Variants in MIER3 observed in about 807,000 individuals in gnomAD.
MIER3 encodes mesoderm induction early response protein 3.
Under a neutral mutation model 63.2 loss-of-function variants are expected in MIER3, and 9 were observed. The ratio of observed to expected loss-of-function variants is 0.14; its 90% CI spans 0.09 to 0.25. The LOEUF (loss-of-function observed/expected upper bound fraction) is 0.25, where lower values mean the gene tolerates loss of function less well. Ranked by LOEUF, MIER3 falls within the 10% of genes least tolerant of loss-of-function variation. MIER3 has a pLI of 1.00. For missense variants in MIER3, 512 were observed against 666.2 expected, an observed-to-expected ratio of 0.77 and a Z score of 2.55; for synonymous variants, 205 against 224.9, an observed-to-expected ratio of 0.91 and a Z score of 0.79.
intron 3 of MIER3, among the ~76,000 whole-genome samples, chr5:56,945,410 C>A (rs1381997740): frequency 6.6e-6 from 1 of 152,134 alleles, no homozygotes; most frequent in Non-Finnish European, 1.5e-5. Context: ...CTGCAGTGAG[C>A]CGAGATTGTG....
chr5:56,933,214 C>G (rs756271035), intron 8 of MIER3, 33 bp downstream of exon 8: 1 of 1,537,294 alleles, frequency 6.5e-7, no homozygotes, highest in Admixed American at 2.1e-5. Flanking sequence ...ATACTGTAAA[C>G]TGGCTGCTGT....
At position 56,922,948 on chromosome 5, in the gene MIER3, A is replaced by T; in HGVS notation, c.*180T>A. ...ACTCTGCTGATCATAGTTCATTTCCACATTTATGGATTGAAAAATGAAAAT... is the reference window on the plus strand; with the variant it reads ...ACTCTGCTGATCATAGTTCATTTCCTCATTTATGGATTGAAAAATGAAAAT... On this transcript the variant is annotated 3_prime_UTR_variant, in exon 13 of 13. Coordinates refer to ENST00000381199, the MANE Select transcript of MIER3 (RefSeq NM_001297599.2). 1.6e-6 allele frequency: 1 copy of T among 607,956 alleles called. No homozygotes were observed. The highest frequency in any genetic ancestry group is 2.9e-6 in the Non-Finnish European group (1 of 348,826). 37.7% of individuals were successfully genotyped at this position (607,956 alleles called of 1,614,324 possible). A position where few individuals can be genotyped will look rare whatever the true frequency, so the allele number is the denominator to read the frequency against.
intron 10 of MIER3, chr5:56,925,343 T>G (rs555291708): frequency 2.2e-6 from 1 of 454,898 alleles, no homozygotes; most frequent in East Asian, 7.0e-5. Context: ...GTGACATGAC[T>G]GTCTACGTAG....
upstream of MIER3, chr5:56,952,131 G>T (rs560837092): frequency 2.7e-5 from 33 of 1,241,150 alleles, no homozygotes; most frequent in Non-Finnish European, 3.3e-5. Context: ...AACGAGCAGC[G>T]CCGAGCCCAG....
chr5:56,926,794 T>C (rs1030681002), intron 10 of MIER3, among the ~76,000 whole-genome samples: 5 of 152,130 alleles, frequency 3.3e-5, no homozygotes, highest in African/African-American at 1.2e-4. Context: ...TTAATGATAA[T>C]TGCCAAAACT....
At chr5:56,937,779 C>A in intron 4 of MIER3, 81 bp from the exon 5 acceptor site, 2 of 1,268,994 alleles carry the variant, frequency 1.6e-6, no homozygotes, top group Non-Finnish European at 1.0e-6. Context: ...TATAACATAT[C>A]ATTAAGAAGC....
intron 4 of MIER3, 43 bp from the exon 5 acceptor site, chr5:56,937,741 A>T: frequency 6.6e-7 from 1 of 1,506,022 alleles, no homozygotes; most frequent in Non-Finnish European, 8.9e-7. Context: ...AAATGATTAC[A>T]TCTCATTAAT....
chr5:56,950,185 C>T (rs961949746), intron 2 of MIER3, among the ~76,000 whole-genome samples: 1 of 152,168 alleles, frequency 6.6e-6, no homozygotes, highest in African/African-American at 2.4e-5. Context: ...AACTCATAGA[C>T]ATTTAATTAT....
At chr5:56,942,717 C>T (rs1368267042) in intron 3 of MIER3, among the ~76,000 whole-genome samples, 2 of 151,880 alleles carry the variant, frequency 1.3e-5, no homozygotes, top group African/African-American at 2.4e-5. Flanking sequence ...GAAAATAGAA[C>T]GAGGAAAAAG....
chr5:56,933,884 AC>A (rs1418727103), intron 7 of MIER3, among the ~76,000 whole-genome samples: 2 of 152,146 alleles, frequency 1.3e-5, no homozygotes, highest in Admixed American at 1.3e-4. Flanking sequence ...TTTTCTCCCA[AC>A]AAGATAACTT....
chr5:56,939,685 C>T (rs62356562), intron 3 of MIER3, among the ~76,000 whole-genome samples: 9,014 of 152,250 alleles, frequency 0.059, 397 homozygotes, highest in Middle Eastern at 0.14. Flanking sequence ...AAATTACATA[C>T]CCTGGCTACA....
At chr5:56,942,475 G>A (rs1750679298) in intron 3 of MIER3, among the ~76,000 whole-genome samples, 2 of 152,144 alleles carry the variant, frequency 1.3e-5, no homozygotes, top group South Asian at 2.1e-4. Context: ...CCAGATTTCT[G>A]GCCTGAGAAG....
chr5:56,930,608 G>C, intron 9 of MIER3, 56 bp downstream of exon 9: 1 of 1,440,572 alleles, frequency 6.9e-7, no homozygotes, highest in Non-Finnish European at 9.8e-7. Flanking sequence ...TGCTTATTCT[G>C]ATCCCCAAAT....
rs141692637 is a variant in MIER3, at chr5:56,923,183, T to C, written c.1598A>G (p.Asn533Ser). 1.4e-4 allele frequency: 223 copies of C among 1,613,956 alleles called. 2 individuals carry two copies. The highest frequency in any genetic ancestry group is 7.2e-4 in the Admixed American group (43 of 59,958). ...DFGSLSANETNGFISAHALHQ... is the reference protein window; with the variant it reads ...DFGSLSANETSGFISAHALHQ... ...CAGAGCATGGGCACTGATGAAACCATTGGTCTCGTTGGCAGAGAGACTGCC... is the reference window on the plus strand; with the variant it reads ...CAGAGCATGGGCACTGATGAAACCACTGGTCTCGTTGGCAGAGAGACTGCC... The change falls in exon 13 of 13, where the codon AAT (asparagine) becomes AGT (serine). Residue 533 changes from asparagine to serine, a missense_variant. This residue lies in a region of MIER3 where 218 missense variants were observed against 251.2 expected (regional missense o/e 0.87). Coordinates refer to ENST00000381199, the MANE Select transcript of MIER3 (RefSeq NM_001297599.2).
chr5:56,929,969 A>T (rs1233153435), intron 9 of MIER3, among the ~76,000 whole-genome samples: 1 of 151,982 alleles, frequency 6.6e-6, no homozygotes, highest in Non-Finnish European at 1.5e-5. Context: ...GCCTAAAATA[A>T]TTTTTTTTCA....
At chr5:56,934,602 T>C (rs1381232357) in intron 7 of MIER3, among the ~76,000 whole-genome samples, 8 of 152,146 alleles carry the variant, frequency 5.3e-5, no homozygotes, top group Admixed American at 1.3e-4. Flanking sequence ...GGGATAACTG[T>C]CTTTTAACAC....
chr5:56,931,570 T>C (rs1317263045), intron 8 of MIER3, among the ~76,000 whole-genome samples: 3 of 152,080 alleles, frequency 2.0e-5, no homozygotes, highest in African/African-American at 7.2e-5. Flanking sequence ...TTTCTAATTT[T>C]AAAAAGAAAA....
In MIER3 at chr5:56,935,770, A is replaced by C; in HGVS notation, c.437-19T>G. On this transcript the variant is annotated intron_variant, in intron 5 of 12. Coordinates refer to ENST00000381199, the MANE Select transcript of MIER3 (RefSeq NM_001297599.2). ...GTATTTGCTTAAAAGACAAAAATTAAAAAGGTTTTTACTGCCTATTTTTGC... is the reference window on the plus strand; with the variant it reads ...GTATTTGCTTAAAAGACAAAAATTACAAAGGTTTTTACTGCCTATTTTTGC... The C allele has an allele frequency of 6.2e-7, 1 of 1,601,886 alleles. No individual in the cohort carries two copies. Among genetic ancestry groups the C allele is most frequent in the Non-Finnish European group, 8.5e-7 (1 of 1,173,058 alleles).
At position 56,923,137 on chromosome 5, in the gene MIER3, G is replaced by A. The variant is rs199761826; in HGVS notation, c.1644C>T (p.His548=). 117 of 1,613,734 alleles carry A rather than the reference G, an allele frequency of 7.3e-5. No individual in the cohort carries two copies. The East Asian group carries it at 2.3e-3, about 32-fold the overall frequency. Residue 548 remains histidine (H), a synonymous_variant, in exon 13 of 13, where the codon CAC becomes CAT. Coordinates refer to ENST00000381199, the MANE Select transcript of MIER3 (RefSeq NM_001297599.2). ...GGGATCCTCACTCAGGTCACTCAGAGTGTAGGGCCGCGTGCTGATGCAGAG... is the reference window on the plus strand; with the variant it reads ...GGGATCCTCACTCAGGTCACTCAGAATGTAGGGCCGCGTGCTGATGCAGAG... The part of the protein sequence containing the change: ...AHALHQHAAL[H]SE
Sources: gnomAD v4.1 joint callset for allele counts (sites outside exome capture counted in the v4.1 genomes callset) on GRCh38, gnomAD v4.1.1 for gene constraint, gnomAD v4.1.1 regional missense constraint, MANE v1.5 for transcripts, NCBI Gene and HGNC (gene_info 2026-07-23, HGNC 2026-07-21) for gene names.